Variants in IL5RA observed in about 807,000 individuals in gnomAD.
IL5RA encodes the protein interleukin-5 receptor subunit alpha.
A neutral mutation model predicts 50.0 loss-of-function variants in IL5RA; 49 were observed. The observed-to-expected ratio is 0.98, with a 90% CI of 0.78 to 1.24. IL5RA has a LOEUF of 1.24. Ranked by LOEUF, IL5RA falls within the 50% of genes most tolerant of loss-of-function variation. IL5RA has a pLI of 0.00. For synonymous variants in IL5RA, 202 were observed against 174.0 expected (o/e 1.16, Z -1.26); for missense variants, 600 against 500.4 (o/e 1.20, Z -1.90).
chr3:3,079,588 T>C (rs2125957672), intron 9 of IL5RA, among the ~76,000 whole-genome samples: 1 of 152,320 alleles, frequency 6.6e-6, no homozygotes, highest in East Asian at 1.9e-4. Context: ...GTGGTCATTC[T>C]GGGCCTCGGT....
Position 3,095,390 on chromosome 3 carries a change from G to T in IL5RA, c.764C>A (p.Ser255Tyr), listed in dbSNP as rs1703310867. 1.2e-6 allele frequency: 2 copies of T among 1,611,514 alleles called. No individual in the cohort carries two copies. The highest frequency in any genetic ancestry group is 1.7e-6 in the Non-Finnish European group (2 of 1,177,838). Residue 255 changes from serine (S) to tyrosine (Y), a missense_variant, in exon 8 of 12, where the codon TCT becomes TAT. By Grantham distance (144) the Ser-to-Tyr change is moderately radical. Transcript: ENST00000446632. ...VTAEIEGTRLSIQWEKPVSAF... is the reference protein window; with the variant it reads ...VTAEIEGTRLYIQWEKPVSAF... ...AGACACTGGTTTCTCCCATTGGATA[G>T]AGAGACGAGTTCCTTCAATCTCTGC...
intron 9 of IL5RA, among the ~76,000 whole-genome samples, chr3:3,089,589 G>C (rs1703006404): frequency 6.6e-6 from 1 of 152,028 alleles, no homozygotes; most frequent in Non-Finnish European, 1.5e-5. Flanking sequence ...GGATTCATGA[G>C]AGATGGCATC....
At chr3:3,095,764 A>G (rs552948115) in intron 7 of IL5RA, among the ~76,000 whole-genome samples, 29 of 151,868 alleles carry the variant, frequency 1.9e-4, no homozygotes, top group Non-Finnish European at 3.7e-4. Context: ...TTACTACTCA[A>G]GTTGTACCAG....
At chr3:3,099,480 T>G (rs1050720953) in intron 5 of IL5RA, among the ~76,000 whole-genome samples, 7 of 151,748 alleles carry the variant, frequency 4.6e-5, no homozygotes, top group Non-Finnish European at 8.8e-5. Flanking sequence ...AATACAAAAA[T>G]TAGCCAGGTG....
At chr3:3,070,608 G>C (rs1210754045) in intron 11 of IL5RA, among the ~76,000 whole-genome samples, 1 of 90,548 alleles carries the variant, frequency 1.1e-5, no homozygotes, top group Non-Finnish European at 1.9e-5. Flanking sequence ...TTTAGACAGA[G>C]TCTCACTCTT....
intron 7 of IL5RA, among the ~76,000 whole-genome samples, chr3:3,096,464 T>C (rs1200257134): frequency 2.6e-5 from 4 of 152,132 alleles, no homozygotes; most frequent in Non-Finnish European, 5.9e-5. Context: ...TCACAATTAA[T>C]AGGGAAAAGC....
rs1188487585 is a variant in IL5RA, at chr3:3,070,173, C to A, written c.*52G>T. ...CAAGAGCCAGCATCCCTGTTCTTTT[C>A]ACTGAGGCACTGAGGCATGTGTGAG... is the stretch of plus-strand genomic sequence containing the variant. On this transcript the variant is annotated 3_prime_UTR_variant, in exon 12 of 12. Transcript: ENST00000446632. 8.6e-7 allele frequency: 1 copy of A among 1,169,156 alleles called. No homozygotes were observed. Among genetic ancestry groups the A allele is most frequent in the African/African-American group, 1.5e-5 (1 of 64,906 alleles). The allele number at this position is 1,169,156 out of a possible 1,614,324, so 72.4% of individuals were successfully genotyped here.
At position 3,070,902 on chromosome 3, in the gene IL5RA, G is replaced by T. The variant is rs1298373841; in HGVS notation, c.1177-591C>A. 1.1e-4 allele frequency among the ~76,000 whole-genome samples: 17 copies of T among 152,028 alleles called. 1 individual carries two copies. The East Asian group carries it at 1.2e-3, about 10-fold the overall frequency. On this transcript the variant is annotated intron_variant, in intron 11 of 11. Transcript: ENST00000446632. ...GGCCGGATACACATCTTTAAAAATT[G>T]ATTTTTTTCTCTCTGACATCACTGA...
intron 7 of IL5RA, among the ~76,000 whole-genome samples, chr3:3,096,774 A>T (rs904030799): frequency 6.8e-4 from 103 of 152,208 alleles, no homozygotes; most frequent in African/African-American, 2.3e-3. Context: ...AAGGGCTATG[A>T]TTCTTTACAC....
chr3:3,080,766 C>T (rs921656109), intron 9 of IL5RA, among the ~76,000 whole-genome samples: 1 of 152,178 alleles, frequency 6.6e-6, no homozygotes, highest in Admixed American at 6.5e-5. Flanking sequence ...ATGATCATAG[C>T]TCCCTGCAGA....
chr3:3,083,379 C>T (rs996653867), intron 9 of IL5RA, among the ~76,000 whole-genome samples: 1 of 152,192 alleles, frequency 6.6e-6, no homozygotes, highest in Non-Finnish European at 1.5e-5. Flanking sequence ...TGGAACTGGG[C>T]TTGCATTAAC....
At chr3:3,100,719 A>G (rs921978595) in intron 5 of IL5RA, among the ~76,000 whole-genome samples, 2 of 152,166 alleles carry the variant, frequency 1.3e-5, no homozygotes, top group Non-Finnish European at 2.9e-5. Flanking sequence ...TCATTATAGA[A>G]AGGAGGAATG....
chr3:3,103,997 A>T (rs932503576), intron 3 of IL5RA, among the ~76,000 whole-genome samples: 6 of 152,286 alleles, frequency 3.9e-5, no homozygotes, highest in African/African-American at 1.4e-4. Context: ...ATTGTCCATT[A>T]CGGTAGCCAC....
intron 9 of IL5RA, among the ~76,000 whole-genome samples, chr3:3,084,072 A>G (rs1410910473): frequency 2.0e-5 from 3 of 149,928 alleles, no homozygotes; most frequent in African/African-American, 4.9e-5. Flanking sequence ...AAAAAAAAAA[A>G]GGTTTAGTCC....
At position 3,092,501 on chromosome 3, in the gene IL5RA, T is replaced by C; in HGVS notation, c.856-139A>G. The C allele has an allele frequency of 1.3e-6, 1 of 790,148 alleles. No homozygotes were observed. The highest frequency in any genetic ancestry group is 2.1e-6 in the Non-Finnish European group (1 of 484,518). The allele number at this position is 790,148 out of a possible 1,614,324, so 48.9% of individuals were successfully genotyped here. A position where few individuals can be genotyped will look rare whatever the true frequency, so the allele number is the denominator to read the frequency against. Reference sequence around the variant, plus strand: ...TTAAAATCAACAGGGCACACATTAATTCGTTTATGCTAGGTGCGTTAGTGT... The same window carrying C: ...TTAAAATCAACAGGGCACACATTAACTCGTTTATGCTAGGTGCGTTAGTGT... On this transcript the variant is annotated intron_variant, in intron 8 of 11. Transcript: ENST00000446632. The surrounding 1 kb of genome is among the most constrained non-coding windows in gnomAD (Gnocchi z 4.2).
Position 3,067,607 on chromosome 3 carries a change from G to A in IL5RA, c.*2618C>T, listed in dbSNP as rs1702166721. The A allele has an allele frequency of 6.6e-6, 1 of 152,322 alleles. No individual in the cohort carries two copies. Among genetic ancestry groups the A allele is most frequent in the Non-Finnish European group, 1.5e-5 (1 of 68,156 alleles). 9.4% of individuals were successfully genotyped at this position (152,322 alleles called of 1,614,324 possible). A position where few individuals can be genotyped will look rare whatever the true frequency, so the allele number is the denominator to read the frequency against. On this transcript the variant is annotated 3_prime_UTR_variant, in exon 12 of 12. Transcript: ENST00000446632. ...GGATCAACCAACTCTGCTTTTGAAG[G>A]CTTCATGGAGGAAGTGATGATGGTT...
chr3:3,104,782 T>C lies in IL5RA; in HGVS notation c.82+121A>G, dbSNP rs987112689. On this transcript the variant is annotated intron_variant, in intron 3 of 11. Transcript: ENST00000446632. ...GCATCTGTCTTCTGATGGGGATAAATATTGTCTCATAAAAATCCATATATA... is the reference window on the plus strand; with the variant it reads ...GCATCTGTCTTCTGATGGGGATAAACATTGTCTCATAAAAATCCATATATA... The C allele has an allele frequency of 1.9e-5, 11 of 564,938 alleles. No homozygotes were observed. In the Admixed American group the frequency reaches 3.2e-4, roughly 17 times the overall value. 35.0% of individuals were successfully genotyped at this position (564,938 alleles called of 1,614,324 possible). A position where few individuals can be genotyped will look rare whatever the true frequency, so the allele number is the denominator to read the frequency against.
chr3:3,097,578 A>G (rs1420545839), intron 7 of IL5RA, among the ~76,000 whole-genome samples: 1 of 152,136 alleles, frequency 6.6e-6, no homozygotes, highest in Non-Finnish European at 1.5e-5. Flanking sequence ...CTTTTTTAAA[A>G]GTCACAGCTC....
intron 2 of IL5RA, among the ~76,000 whole-genome samples, chr3:3,108,347 T>G (rs777469569): frequency 6.6e-6 from 1 of 152,176 alleles, no homozygotes; most frequent in Non-Finnish European, 1.5e-5. Context: ...ATTTCTGAAA[T>G]AGTCCTAAAA....
Sources: allele counts gnomAD v4.1 joint callset (sites outside exome capture counted in the v4.1 genomes callset), GRCh38; gene constraint gnomAD v4.1.1; non-coding constraint Gnocchi (gnomAD v3.1); transcripts MANE v1.5; gene names NCBI Gene and HGNC (gene_info 2026-07-23, HGNC 2026-07-21).